Variants in MTA1 observed in about 807,000 individuals in gnomAD.
MTA1 encodes metastasis-associated protein MTA1.
Under a neutral mutation model 97.0 loss-of-function variants are expected in MTA1, and 15 were observed. That is an observed-to-expected ratio of 0.15 (90% CI 0.10 to 0.24). The LOEUF (loss-of-function observed/expected upper bound fraction) is 0.24, where lower values mean the gene tolerates loss of function less well. Among genes scored for constraint, MTA1 ranks in the 10% least tolerant of loss-of-function variants. The pLI is 1.00. For missense variants in MTA1, 709 were observed against 1,015.1 expected (o/e 0.70, Z 4.10); for synonymous variants, 435 against 417.5 (o/e 1.04, Z -0.51).
Position 105,441,758 on chromosome 14 carries a change from C to T in MTA1, c.96+3019C>T, listed in dbSNP as rs587623171. Among the ~76,000 whole-genome samples, 33 of 152,296 alleles carry T rather than the reference C, an allele frequency of 2.2e-4. No individual in the cohort carries two copies. In the East Asian group the frequency reaches 4.1e-3, roughly 19 times the overall value. On this transcript the variant is annotated intron_variant, in intron 2 of 20. Coordinates refer to ENST00000331320, the MANE Select transcript of MTA1 (RefSeq NM_004689.4). Reference sequence around the variant, plus strand: ...GCAGTGAGCCGAGATCCCGCCACTACACTCCAGCCTGGGCGACAGAGCGAG... The same window carrying T: ...GCAGTGAGCCGAGATCCCGCCACTATACTCCAGCCTGGGCGACAGAGCGAG...
rs1555434246 is a variant in MTA1 at position 105,470,232 on chromosome 14, C to T, written c.*17C>T. ...GAGGACTAGGGGCCGCCCCCACCTG[C>T]GGCCGCCCCCCGCCCCTCGCCCGCC... On this transcript the variant is annotated 3_prime_UTR_variant, in exon 21 of 21. Transcript: ENST00000331320. 15 of 1,510,770 alleles carry T rather than the reference C, an allele frequency of 9.9e-6. No individual in the cohort carries two copies. The highest frequency in any genetic ancestry group is 7.6e-5 in the East Asian group (3 of 39,506). The allele number at this position is 1,510,770 out of a possible 1,614,324, so 93.6% of individuals were successfully genotyped here.
rs1555421675 is a variant in MTA1 at position 105,424,215 on chromosome 14, G to T, written c.28+4152G>T. On this transcript the variant is annotated intron_variant, in intron 1 of 20. Transcript: ENST00000331320. This position sits in a 1 kb window ranked among gnomAD's most constrained non-coding sequence, Gnocchi z 4.0. The stretch of plus-strand genomic sequence containing the variant: ...GCTTGCTCCACCTTTGTTTTTTTGA[G>T]ACGGAGTCTCGCTCTGTCCCCCAGG... Among the ~76,000 whole-genome samples, 1 of 152,210 alleles carries T rather than the reference G, an allele frequency of 6.6e-6. No individual in the cohort carries two copies. Among genetic ancestry groups the T allele is most frequent in the Non-Finnish European group, 1.5e-5 (1 of 68,050 alleles).
Position 105,468,859 on chromosome 14 carries a change from G to C in MTA1, c.1814-608G>C, listed in dbSNP as rs141691315. 1.4e-3 allele frequency: 388 copies of C among 279,366 alleles called. 2 individuals are homozygous for C. The East Asian group carries it at 0.032, about 23-fold the overall frequency. 17.3% of individuals were successfully genotyped at this position (279,366 alleles called of 1,614,324 possible). A position where few individuals can be genotyped will look rare whatever the true frequency, so the allele number is the denominator to read the frequency against. ...TGGGCCCAGCTGGGGGTGACCAGGA[G>C]CATGGACCCCGCTTCTTGGCCCAAC... On this transcript the variant is annotated intron_variant, in intron 18 of 20. Transcript: ENST00000331320.
intron 3 of MTA1, 28 bp downstream of exon 3, chr14:105,445,539 G>T: frequency 6.2e-7 from 1 of 1,611,244 alleles, no homozygotes; most frequent in South Asian, 1.1e-5. Context: ...TGGGGTGCCC[G>T]CCTGGCGGGA....
At chr14:105,454,163 C>A in intron 6 of MTA1, 30 bp from the exon 7 acceptor site, 1 of 1,551,808 alleles carries the variant, frequency 6.4e-7, no homozygotes, top group Non-Finnish European at 8.9e-7. Flanking sequence ...ACTGTGCTGA[C>A]GCCTCTCTGT....
In MTA1 at chr14:105,450,047, T is replaced by TTGTC; in HGVS notation, c.242-10_242-7dup. ...CTGCCGCGGTGCTGACAGGGGCTCC[T>TTGTC]TGTCCTTCAGGGGAAATAGAAGAGG... On this transcript the variant is annotated splice_polypyrimidine_tract_variant and intron_variant, in intron 4 of 20. Transcript: ENST00000331320. 1 of 1,613,442 alleles carries TTGTC rather than the reference T, an allele frequency of 6.2e-7. No individual in the cohort carries two copies.
rs1401929776 is a variant in MTA1 at position 105,454,376 on chromosome 14, G to GC, written c.550+66_550+67insC. 11 of 1,152,182 alleles carry GC rather than the reference G, an allele frequency of 9.5e-6. No individual in the cohort carries two copies. In the African/African-American group the frequency reaches 1.5e-4, roughly 16 times the overall value. The allele number at this position is 1,152,182 out of a possible 1,614,324, so 71.4% of individuals were successfully genotyped here. A position where few individuals can be genotyped will look rare whatever the true frequency, so the allele number is the denominator to read the frequency against. ...CCTGTCCTGCCGGGTGACACACTGG[G>GC]TGAGAGGAGGCTGGGACATGGCCGT... On this transcript the variant is annotated intron_variant, in intron 7 of 20. Coordinates refer to ENST00000331320, the MANE Select transcript of MTA1 (RefSeq NM_004689.4).
Position 105,463,702 on chromosome 14 carries a change from G to A in MTA1, c.1076+151G>A, listed in dbSNP as rs947315162. ...CCCGGGAGGGCGGCCCAGGGCTGGG[G>A]GGTTCTGGCTGCAGACGCAGTGGCC... is the stretch of plus-strand genomic sequence containing the variant. On this transcript the variant is annotated intron_variant, in intron 12 of 20. Transcript: ENST00000331320. This position sits in a 1 kb window ranked among gnomAD's most constrained non-coding sequence, Gnocchi z 5.9. The A allele has an allele frequency of 4.1e-6, 3 of 731,970 alleles. No homozygotes were observed. The highest frequency in any genetic ancestry group is 4.6e-6 in the Non-Finnish European group (2 of 439,428). 45.3% of individuals were successfully genotyped at this position (731,970 alleles called of 1,614,324 possible).
chr14:105,458,382 G>A lies in MTA1; in HGVS notation c.653+10G>A. The A allele has an allele frequency of 6.2e-7, 1 of 1,611,418 alleles. No individual in the cohort carries two copies. On this transcript the variant is annotated intron_variant, in intron 8 of 20. Transcript: ENST00000331320. ...TCCTGGTGGTGGCCCGGTGAGTCCT[G>A]CTCCTGGGCAAGGCCAGCAGGGGTG...
chr14:105,451,790 T>G (rs868973789), intron 6 of MTA1, among the ~76,000 whole-genome samples: 7 of 140,624 alleles, frequency 5.0e-5, no homozygotes, highest in Admixed American at 1.4e-4. Context: ...TTTGTTTTTT[T>G]TTTTTTTTTT....
At chr14:105,436,058 C>T (rs1330631006) in intron 1 of MTA1, among the ~76,000 whole-genome samples, 2 of 152,134 alleles carry the variant, frequency 1.3e-5, no homozygotes, top group African/African-American at 4.8e-5. Flanking sequence ...CACCTGAGGT[C>T]AGGAGTTTGA....
At chr14:105,453,253 C>G (rs1048615975) in intron 6 of MTA1, among the ~76,000 whole-genome samples, 1 of 152,282 alleles carries the variant, frequency 6.6e-6, no homozygotes, top group Non-Finnish European at 1.5e-5. Context: ...CCGTAGCGCT[C>G]CAGCGGTGGC....
intron 1 of MTA1, among the ~76,000 whole-genome samples, chr14:105,427,429 C>T (rs587619504): frequency 1.3e-5 from 2 of 152,322 alleles, no homozygotes; most frequent in African/African-American, 4.8e-5. Context: ...TCCCTGGACA[C>T]AGGCAGGCTG....
chr14:105,431,316 G>A (rs1218821665), intron 1 of MTA1, among the ~76,000 whole-genome samples: 2 of 152,116 alleles, frequency 1.3e-5, no homozygotes, highest in East Asian at 3.9e-4. Flanking sequence ...ACCCACCTTG[G>A]CCTCCCAAAC....
chr14:105,454,945 G>A (rs587742501), intron 7 of MTA1, among the ~76,000 whole-genome samples: 2 of 151,946 alleles, frequency 1.3e-5, no homozygotes, highest in African/African-American at 4.8e-5. Context: ...TGGCTCTGTC[G>A]CCCAGGCTGG....
chr14:105,470,014 C>T (rs782629622), intron 20 of MTA1, 22 bp downstream of exon 20: 28 of 1,612,434 alleles, frequency 1.7e-5, no homozygotes, highest in East Asian at 4.5e-5. Flanking sequence ...CCAGGGCAGG[C>T]GGGAGGGCTC....
At chr14:105,440,185 A>C (rs56130943) in intron 2 of MTA1, among the ~76,000 whole-genome samples, 23,403 of 152,264 alleles carry the variant, frequency 0.15, 2,394 homozygotes, top group Non-Finnish European at 0.23. Context: ...CTGCAGAGCA[A>C]GGCCACTTGG....
rs370414533 is a variant in MTA1, at chr14:105,441,840, AG to A, written c.96+3104del. On this transcript the variant is annotated intron_variant, in intron 2 of 20. Coordinates refer to ENST00000331320, the MANE Select transcript of MTA1 (RefSeq NM_004689.4). ...AGGAACTCAGAGGAAGGGCCAGTGC[AG>A]GGAACAGAAGGAAACTAAAGCAAAA... 3.3e-3 allele frequency among the ~76,000 whole-genome samples: 505 copies of A among 152,318 alleles called. 4 individuals are homozygous for A. The highest frequency in any genetic ancestry group is 0.012 in the African/African-American group (481 of 41,570).
Position 105,463,079 on chromosome 14 carries a change from C to T in MTA1, c.943-105C>T, listed in dbSNP as rs1419108746. 18 of 1,159,000 alleles carry T rather than the reference C, an allele frequency of 1.6e-5. No individual in the cohort carries two copies. Among genetic ancestry groups the T allele is most frequent in the Non-Finnish European group, 2.0e-5 (16 of 794,018 alleles). The allele number at this position is 1,159,000 out of a possible 1,614,324, so 71.8% of individuals were successfully genotyped here. ...CACCAAGCACACCTCGCCCTCTGGC[C>T]TCCCGCCCCCTCTGTGGCCTTCTGG... On this transcript the variant is annotated intron_variant, in intron 10 of 20. Transcript: ENST00000331320. The surrounding 1 kb of genome is among the most constrained non-coding windows in gnomAD (Gnocchi z 5.9).
Sources: allele counts gnomAD v4.1 joint callset (sites outside exome capture counted in the v4.1 genomes callset), GRCh38; gene constraint gnomAD v4.1.1; non-coding constraint Gnocchi (gnomAD v3.1); transcripts MANE v1.5; gene names NCBI Gene and HGNC (gene_info 2026-07-23, HGNC 2026-07-21).